Variants in TBC1D4 observed in about 807,000 individuals in gnomAD.
The protein encoded by TBC1D4 is TBC1 domain family member 4, also known as TBC (Tre-2, BUB2, CDC16) domain-containing protein.
Under a neutral mutation model 142.5 loss-of-function variants are expected in TBC1D4, and 121 were observed. The observed-to-expected ratio is 0.85, with a 90% CI of 0.73 to 0.99. The LOEUF is 0.99. TBC1D4 is among the 50% of genes least tolerant of loss of function. The pLI is 0.00. For synonymous variants in TBC1D4, 630 were observed against 628.2 expected (o/e 1.00, Z -0.04); for missense variants, 1,475 against 1,606.6 (o/e 0.92, Z 1.40).
At position 75,481,858 on chromosome 13, in the gene TBC1D4, C is replaced by T; in HGVS notation, c.-91G>A. 1.4e-6 allele frequency: 2 copies of T among 1,383,080 alleles called. No individual in the cohort carries two copies. The highest frequency in any genetic ancestry group is 3.1e-5 in the African/African-American group (2 of 65,244). The allele number at this position is 1,383,080 out of a possible 1,614,324, so 85.7% of individuals were successfully genotyped here. A position where few individuals can be genotyped will look rare whatever the true frequency, so the allele number is the denominator to read the frequency against. ...GAAGGCGCCGCCGAAACTGTGCCAACTGCCGCACCGGGCTCCCGCGCCTGC... is the reference window on the plus strand; with the variant it reads ...GAAGGCGCCGCCGAAACTGTGCCAATTGCCGCACCGGGCTCCCGCGCCTGC... On this transcript the variant is annotated 5_prime_UTR_variant, in exon 1 of 21. Coordinates refer to ENST00000377636, the MANE Select transcript of TBC1D4 (RefSeq NM_014832.5).
chr13:75,364,386 G>A (rs1271636417), intron 1 of TBC1D4, among the ~76,000 whole-genome samples: 1 of 152,178 alleles, frequency 6.6e-6, no homozygotes, highest in Admixed American at 6.5e-5. Context: ...GGGATATACT[G>A]CTAGAACATT....
chr13:75,345,905 T>C (rs932209024), intron 5 of TBC1D4, among the ~76,000 whole-genome samples: 1 of 152,168 alleles, frequency 6.6e-6, no homozygotes, highest in Non-Finnish European at 1.5e-5. Context: ...AAAACTTCTG[T>C]TTTGTATTAG....
intron 5 of TBC1D4, among the ~76,000 whole-genome samples, chr13:75,348,954 AGTGTGTGTGTGTGT>A (rs55954112): frequency 9.3e-5 from 13 of 139,084 alleles, no homozygotes; most frequent in Non-Finnish European, 1.7e-4. Context: ...AGAGAGAGAG[AGTGTGTGTGTGTGT>A]GTGTGTGTGT....
chr13:75,362,086 C>A lies in TBC1D4; in HGVS notation c.1020G>T (p.Ala340=). ...SQKSQPRRRH[A]SAPSHVQPSD... is the part of the protein sequence containing the mutation. ...AGGGCTGGACGTGACTGGGTGCGCT[C>A]GCGTGTCTCCGTCGCGGCTGGGATT... Residue 340 remains alanine (A), a synonymous_variant, in exon 2 of 21, where the codon GCG becomes GCT. Coordinates refer to ENST00000377636, the MANE Select transcript of TBC1D4 (RefSeq NM_014832.5). This position sits in a 1 kb window ranked among gnomAD's most constrained non-coding sequence, Gnocchi z 4.2. The A allele has an allele frequency of 6.2e-7, 1 of 1,614,100 alleles. No individual in the cohort carries two copies. The highest frequency in any genetic ancestry group is 8.5e-7 in the Non-Finnish European group (1 of 1,180,030).
chr13:75,309,736 A>T (rs928327409), intron 14 of TBC1D4, among the ~76,000 whole-genome samples: 15 of 152,318 alleles, frequency 9.8e-5, no homozygotes, highest in Admixed American at 2.6e-4. Flanking sequence ...TTAAAACAAA[A>T]CCACAAATAT....
intron 1 of TBC1D4, among the ~76,000 whole-genome samples, chr13:75,418,749 C>T (rs1269927229): frequency 6.6e-6 from 1 of 152,164 alleles, no homozygotes; most frequent in Non-Finnish European, 1.5e-5. Context: ...CAATGGTTTT[C>T]TTTTTCTCAA....
intron 18 of TBC1D4, among the ~76,000 whole-genome samples, chr13:75,294,202 T>C (rs1396708818): frequency 3.9e-5 from 6 of 152,184 alleles, no homozygotes; most frequent in Admixed American, 6.5e-5. Flanking sequence ...ACATAAACCA[T>C]GTTACACTCT....
In TBC1D4 at chr13:75,397,530, A is replaced by C. The variant is rs1042147172; in HGVS notation, c.499-34923T>G. 1.3e-5 allele frequency among the ~76,000 whole-genome samples: 2 copies of C among 152,238 alleles called. 1 individual carries two copies. The highest frequency in any genetic ancestry group is 4.8e-5 in the African/African-American group (2 of 41,470). On this transcript the variant is annotated intron_variant, in intron 1 of 20. Coordinates refer to ENST00000377636, the MANE Select transcript of TBC1D4 (RefSeq NM_014832.5). Reference sequence around the variant, plus strand: ...ACAGTAATATAATTATATTGTGTGGAGACGGCAAGGAGAGAAAAGATAAGT... The same window carrying C: ...ACAGTAATATAATTATATTGTGTGGCGACGGCAAGGAGAGAAAAGATAAGT...
At chr13:75,305,592 T>C (rs1877099340) in intron 15 of TBC1D4, among the ~76,000 whole-genome samples, 1 of 152,240 alleles carries the variant, frequency 6.6e-6, no homozygotes, top group Non-Finnish European at 1.5e-5. Flanking sequence ...GGCTCAACAG[T>C]CTCACACATT....
chr13:75,314,767 G>A (rs1258228723), intron 12 of TBC1D4, among the ~76,000 whole-genome samples: 15 of 148,630 alleles, frequency 1.0e-4, no homozygotes, highest in Non-Finnish European at 1.3e-4. Flanking sequence ...AGGAGTTCAA[G>A]AGTAGCATGG....
At chr13:75,416,216 C>G (rs1239057450) in intron 1 of TBC1D4, among the ~76,000 whole-genome samples, 1 of 152,108 alleles carries the variant, frequency 6.6e-6, no homozygotes, top group Non-Finnish European at 1.5e-5. Context: ...GACAAATATA[C>G]TCAAGTCATG....
chr13:75,304,108 T>A (rs1038648217), intron 15 of TBC1D4, among the ~76,000 whole-genome samples: 1 of 152,208 alleles, frequency 6.6e-6, no homozygotes, highest in South Asian at 2.1e-4. Context: ...CATATTTTCA[T>A]CTCTGTATGA....
intron 12 of TBC1D4, among the ~76,000 whole-genome samples, chr13:75,316,725 T>G (rs1878345968): frequency 6.6e-6 from 1 of 152,220 alleles, no homozygotes; most frequent in Non-Finnish European, 1.5e-5. Context: ...AATGAAACAC[T>G]GCATCAAAAT....
At chr13:75,404,999 G>A (rs897217164) in intron 1 of TBC1D4, among the ~76,000 whole-genome samples, 8 of 152,156 alleles carry the variant, frequency 5.3e-5, no homozygotes, top group African/African-American at 1.9e-4. Flanking sequence ...GTGGGCCAGG[G>A]GTTGAGAAGG....
chr13:75,460,968 T>C (rs1887942584), intron 1 of TBC1D4, among the ~76,000 whole-genome samples: 1 of 152,090 alleles, frequency 6.6e-6, no homozygotes, highest in Non-Finnish European at 1.5e-5. Flanking sequence ...AAGTAAATGG[T>C]TGAGCCAAGT....
chr13:75,368,295 T>G (rs1244512585), intron 1 of TBC1D4, among the ~76,000 whole-genome samples: 1 of 152,150 alleles, frequency 6.6e-6, no homozygotes, highest in Admixed American at 6.5e-5. Context: ...GTCAAACCAC[T>G]GAAGAGGAAA....
intron 1 of TBC1D4, among the ~76,000 whole-genome samples, chr13:75,466,936 C>T (rs1426864059): frequency 1.3e-5 from 2 of 150,900 alleles, no homozygotes; most frequent in Admixed American, 6.6e-5. Context: ...AGCCAAAAAA[C>T]AATTACAGGA....
intron 1 of TBC1D4, among the ~76,000 whole-genome samples, chr13:75,405,269 CTTT>C (rs5804811): frequency 2.4e-5 from 3 of 126,902 alleles, no homozygotes; most frequent in African/African-American, 2.9e-5. Context: ...TGTATATATG[CTTT>C]TTTTTTTTTT....
chr13:75,400,861 G>A (rs1026600691), intron 1 of TBC1D4, among the ~76,000 whole-genome samples: 16 of 151,954 alleles, frequency 1.1e-4, no homozygotes, highest in Non-Finnish European at 7.4e-5. Context: ...ATATAGCATC[G>A]ATCAGTTCTC....
Sources: allele counts gnomAD v4.1 joint callset (sites outside exome capture counted in the v4.1 genomes callset), GRCh38; gene constraint gnomAD v4.1.1; non-coding constraint Gnocchi (gnomAD v3.1); transcripts MANE v1.5; gene names NCBI Gene and HGNC (gene_info 2026-07-23, HGNC 2026-07-21).